The following PCCB variants were observed in gnomAD, a reference collection of about 807,000 sequenced individuals.
PCCB encodes the protein propionyl-CoA carboxylase subunit beta.
PCCB carries 43 observed loss-of-function variants against 60.7 expected under a neutral mutation model. The ratio of observed to expected loss-of-function variants is 0.71; its 90% CI spans 0.55 to 0.91. The LOEUF (loss-of-function observed/expected upper bound fraction) is 0.91, where lower values mean the gene tolerates loss of function less well. Among genes scored for constraint, PCCB ranks in the 40% least tolerant of loss-of-function variants. The probability of loss-of-function intolerance (pLI) is 0.00; values close to 1 mark genes in which losing one functional copy is unlikely to be tolerated. For missense variants in PCCB, 766 were observed against 702.8 expected, an observed-to-expected ratio of 1.09 and a Z score of -1.02; for synonymous variants, 276 against 255.9, an observed-to-expected ratio of 1.08 and a Z score of -0.75.
intron 4 of PCCB, among the ~76,000 whole-genome samples, chr3:136,261,305 A>G (rs1941817116): frequency 6.6e-6 from 1 of 152,240 alleles, no homozygotes; most frequent in Non-Finnish European, 1.5e-5. Flanking sequence ...GAACATCTGG[A>G]TTATAGACAT....
chr3:136,288,130 T>C (rs1933506225), intron 6 of PCCB, among the ~76,000 whole-genome samples: 1 of 152,232 alleles, frequency 6.6e-6, no homozygotes, highest in Non-Finnish European at 1.5e-5. Flanking sequence ...CTGATAAAGC[T>C]GAGTGCCTTT....
At chr3:136,315,481 C>A (rs1204365301) in intron 9 of PCCB, among the ~76,000 whole-genome samples, 1 of 152,022 alleles carries the variant, frequency 6.6e-6, no homozygotes, top group Non-Finnish European at 1.5e-5. Context: ...GAGCCGAGAT[C>A]GTGCCACTGC....
In PCCB at chr3:136,323,000, T is replaced by C. The variant is rs887956808; in HGVS notation, c.1091-3803T>C. On this transcript the variant is annotated intron_variant, in intron 10 of 14. Transcript: ENST00000251654. ...TGAGGATTTCTTGTAAATGATGAGT[T>C]TTTTTTTTTTTTTTTTGCTGCTTTT... 0.016 allele frequency among the ~76,000 whole-genome samples: 10 copies of C among 608 alleles called. No homozygotes were observed. In the Middle Eastern group the frequency reaches 0.5, roughly 30 times the overall value. 0.4% of individuals were successfully genotyped at this position (608 alleles called of 152,430 possible). A position where few individuals can be genotyped will look rare whatever the true frequency, so the allele number is the denominator to read the frequency against.
chr3:136,302,402 G>C (rs1934322952), intron 9 of PCCB, among the ~76,000 whole-genome samples: 1 of 120,780 alleles, frequency 8.3e-6, no homozygotes, highest in Non-Finnish European at 1.8e-5. Flanking sequence ...ACAGATTCCT[G>C]GTGCTTCCTA....
At chr3:136,299,130 T>C (rs999670015) in intron 8 of PCCB, among the ~76,000 whole-genome samples, 1 of 152,036 alleles carries the variant, frequency 6.6e-6, no homozygotes, top group East Asian at 1.9e-4. Flanking sequence ...AGCCCAGAAA[T>C]GTCTGCATAG....
chr3:136,270,740 A>G (rs1363767477), intron 5 of PCCB, among the ~76,000 whole-genome samples: 1 of 152,192 alleles, frequency 6.6e-6, no homozygotes, highest in Non-Finnish European at 1.5e-5. Flanking sequence ...TCCTGGCCTC[A>G]GGTGATCCAC....
chr3:136,293,833 C>T lies in PCCB; in HGVS notation c.732C>T (p.Leu244=), dbSNP rs752940167. Residue 244 remains leucine (L), a synonymous_variant, in exon 7 of 15, where the codon CTC becomes CTT. Coordinates refer to ENST00000251654, the MANE Select transcript of PCCB (RefSeq NM_000532.5). Reference sequence around the variant, plus strand: ...ATGAGGATGTTACCCAGGAGGAGCTCGGTGGTGCCAAGACCCACACCACCA... The same window carrying T: ...ATGAGGATGTTACCCAGGAGGAGCTTGGTGGTGCCAAGACCCACACCACCA... ...VTNEDVTQEE[L]GGAKTHTTMS... is the part of the protein sequence containing the mutation. 6.2e-6 allele frequency: 10 copies of T among 1,611,168 alleles called. No homozygotes were observed. Among genetic ancestry groups the T allele is most frequent in the Middle Eastern group, 1.6e-4 (1 of 6,072 alleles).
intron 5 of PCCB, among the ~76,000 whole-genome samples, chr3:136,266,169 C>T (rs1439344800): frequency 6.8e-6 from 1 of 146,994 alleles, no homozygotes; most frequent in Non-Finnish European, 1.5e-5. Context: ...CACTCTGTGG[C>T]CCAGGCTGGA....
intron 7 of PCCB, among the ~76,000 whole-genome samples, chr3:136,294,222 G>A (rs1048793584): frequency 2.6e-5 from 4 of 152,088 alleles, no homozygotes; most frequent in African/African-American, 9.7e-5. Context: ...TCTAAGGTTG[G>A]TATATATCTT....
intron 10 of PCCB, among the ~76,000 whole-genome samples, chr3:136,320,049 G>C (rs930943157): frequency 6.6e-6 from 1 of 152,168 alleles, no homozygotes; most frequent in South Asian, 2.1e-4. Context: ...ACACTATTCT[G>C]TTGGTCTGTA....
intron 1 of PCCB, chr3:136,255,414 T>A (rs1941644974): frequency 3.9e-6 from 1 of 255,464 alleles, no homozygotes; most frequent in African/African-American, 2.3e-5. Flanking sequence ...GGGACCCTCG[T>A]GAGGTGAGGT....
chr3:136,302,171 C>CATATAAGTACTATA (rs1560021373), intron 9 of PCCB, among the ~76,000 whole-genome samples: 2 of 133,076 alleles, frequency 1.5e-5, no homozygotes, highest in South Asian at 2.7e-4. Flanking sequence ...CCCACCCCGG[C>CATATAAGTACTATA]TCCTGCAAGC....
intron 7 of PCCB, among the ~76,000 whole-genome samples, chr3:136,295,978 C>T (rs1933916225): frequency 6.6e-6 from 1 of 152,088 alleles, no homozygotes. Flanking sequence ...GGGCCTGAGG[C>T]TCTTTGATGG....
chr3:136,279,390 A>G (rs1942413996), intron 5 of PCCB, among the ~76,000 whole-genome samples: 1 of 151,874 alleles, frequency 6.6e-6, no homozygotes, highest in African/African-American at 2.4e-5. Flanking sequence ...TGGGGTGGTG[A>G]TATTTAGTTG....
At chr3:136,280,968 A>G (rs1248549351) in intron 5 of PCCB, among the ~76,000 whole-genome samples, 4 of 152,186 alleles carry the variant, frequency 2.6e-5, no homozygotes, top group Non-Finnish European at 5.9e-5. Context: ...AGTACTTTAA[A>G]TATGTCCCAC....
intron 5 of PCCB, among the ~76,000 whole-genome samples, chr3:136,273,597 C>CTTTTTTTTTTTTTT: frequency 6.3e-3 from 286 of 45,212 alleles, no homozygotes; most frequent in Non-Finnish European, 8.2e-3. Context: ...TTTCTTTTTT[C>CTTTTTTTTTTTTTT]TTTTTTTTTT....
chr3:136,318,469 C>T (rs2108228458), intron 10 of PCCB, among the ~76,000 whole-genome samples: 1 of 152,296 alleles, frequency 6.6e-6, no homozygotes, highest in South Asian at 2.1e-4. Context: ...GCAGTGATTA[C>T]ATACAAAGTG....
intron 5 of PCCB, among the ~76,000 whole-genome samples, chr3:136,278,925 CA>C (rs1942403022): frequency 6.6e-6 from 1 of 152,150 alleles, no homozygotes; most frequent in African/African-American, 2.4e-5. Context: ...TATTTCTCCC[CA>C]CAATTCTGTT....
chr3:136,326,906 A>G lies in PCCB; in HGVS notation c.1194A>G (p.Leu398=), dbSNP rs767647079. The G allele has an allele frequency of 6.2e-6, 10 of 1,600,408 alleles. No homozygotes were observed. Among genetic ancestry groups the G allele is most frequent in the African/African-American group, 2.7e-5 (2 of 74,608 alleles). ...LITFVDVPGF[L]PGTAQEYGGI... is the part of the protein sequence containing the mutation. ...CTTTTGTTGATGTCCCTGGCTTTCT[A>G]CCTGGTAAGTTTTTGACAGAGTGGG... is the stretch of plus-strand genomic sequence containing the variant. The change falls in exon 11 of 15, where the codon CTA becomes CTG. Residue 398 remains leucine, a synonymous_variant. Coordinates refer to ENST00000251654, the MANE Select transcript of PCCB (RefSeq NM_000532.5).
Sources: gnomAD v4.1 joint callset for allele counts (sites outside exome capture counted in the v4.1 genomes callset) on GRCh38, gnomAD v4.1.1 for gene constraint, MANE v1.5 for transcripts, NCBI Gene and HGNC (gene_info 2026-07-23, HGNC 2026-07-21) for gene names.